SHISA9: variants seen among roughly 807,000 people sequenced by gnomAD.
SHISA9 encodes the protein shisa family member 9.
In SHISA9, 13 loss-of-function variants were observed where a neutral mutation model predicts 38.0. The ratio of observed to expected loss-of-function variants is 0.34; its 90% CI spans 0.22 to 0.54. The LOEUF (loss-of-function observed/expected upper bound fraction) is 0.54, where lower values mean the gene tolerates loss of function less well. Among genes scored for constraint, SHISA9 ranks in the 20% least tolerant of loss-of-function variants. The pLI, the probability that SHISA9 is intolerant of heterozygous loss-of-function variation, is 0.91. For missense variants in SHISA9, 538 were observed against 575.8 expected, an observed-to-expected ratio of 0.93 and a Z score of 0.67; for synonymous variants, 275 against 242.0, an observed-to-expected ratio of 1.14 and a Z score of -1.27.
At chr16:13,187,485 C>G (rs917963310) in intron 2 of SHISA9, among the ~76,000 whole-genome samples, 1 of 152,000 alleles carries the variant, frequency 6.6e-6, no homozygotes, top group East Asian at 1.9e-4. Context: ...CAGACGTGCA[C>G]CACCACACTG....
the SHISA9 span, among the ~76,000 whole-genome samples, chr16:13,545,614 G>T: frequency 2.6e-5 from 4 of 152,142 alleles, no homozygotes; most frequent in Non-Finnish European, 5.9e-5. Context: ...TTGTGAAATA[G>T]TTCCCTCTCT....
At chr16:12,935,322 C>T (rs1001016398) in intron 2 of SHISA9, among the ~76,000 whole-genome samples, 17 of 152,208 alleles carry the variant, frequency 1.1e-4, no homozygotes, top group African/African-American at 4.1e-4. Flanking sequence ...TGGTATCTGT[C>T]CAAGTCATTT....
intron 2 of SHISA9, among the ~76,000 whole-genome samples, chr16:13,073,496 G>A (rs1358740989): frequency 6.6e-6 from 1 of 152,094 alleles, no homozygotes; most frequent in Non-Finnish European, 1.5e-5. Flanking sequence ...CATCACCTGG[G>A]AATTTGTTAG....
intron 2 of SHISA9, among the ~76,000 whole-genome samples, chr16:12,940,002 T>C (rs1467914737): frequency 2.0e-5 from 3 of 152,232 alleles, no homozygotes; most frequent in African/African-American, 4.8e-5. Context: ...AAGTCATTAT[T>C]ATCCAACCAA....
At chr16:13,345,015 C>T in the SHISA9 span, among the ~76,000 whole-genome samples, 4 of 152,130 alleles carry the variant, frequency 2.6e-5, no homozygotes, top group Non-Finnish European at 5.9e-5. Flanking sequence ...GGGAGGCCAA[C>T]CCAGAGTAAT....
At position 13,174,229 on chromosome 16, in the gene SHISA9, T is replaced by C. The variant is rs150746208; in HGVS notation, c.692-29165T>C. 3.3e-5 allele frequency among the ~76,000 whole-genome samples: 5 copies of C among 152,344 alleles called. No homozygotes were observed. In the East Asian group the frequency reaches 9.6e-4, roughly 29 times the overall value. ...GGGTTTTAATTTTCATTATGGGGCC[T>C]TCTCATGCAACCATTTCCAGCCTCC... On this transcript the variant is annotated intron_variant, in intron 2 of 4. Coordinates refer to ENST00000558583, the MANE Select transcript of SHISA9 (RefSeq NM_001145204.3).
chr16:13,233,625 A>G (rs1280845821), intron 4 of SHISA9, among the ~76,000 whole-genome samples: 2 of 152,240 alleles, frequency 1.3e-5, no homozygotes, highest in Admixed American at 6.5e-5. Flanking sequence ...ATGAATGGGC[A>G]TGGTTTTGTG....
the SHISA9 span, among the ~76,000 whole-genome samples, chr16:13,270,891 A>ATAAGTCTCCCTT: frequency 1.5e-3 from 228 of 152,308 alleles, 2 homozygotes; most frequent in African/African-American, 5.4e-3. Flanking sequence ...GAATCATTTG[A>ATAAGTCTCCCTT]TAAGTCTCCC....
chr16:13,143,996 A>T (rs2050425148), intron 2 of SHISA9, among the ~76,000 whole-genome samples: 2 of 152,198 alleles, frequency 1.3e-5, no homozygotes, highest in South Asian at 4.1e-4. Context: ...AAATAAACTC[A>T]GTTGGTTAAA....
chr16:12,947,294 T>C (rs368311835), intron 2 of SHISA9, among the ~76,000 whole-genome samples: 3 of 152,330 alleles, frequency 2.0e-5, no homozygotes, highest in African/African-American at 7.2e-5. Context: ...CCAAGGACCA[T>C]GTGGCTATCT....
the SHISA9 span, among the ~76,000 whole-genome samples, chr16:13,386,105 A>G: frequency 6.6e-6 from 1 of 152,214 alleles, no homozygotes; most frequent in South Asian, 2.1e-4. Flanking sequence ...ATAAAAGTGC[A>G]TAGAGCTAAA....
At chr16:13,377,873 CAA>C in the SHISA9 span, among the ~76,000 whole-genome samples, 2 of 149,700 alleles carry the variant, frequency 1.3e-5, no homozygotes, top group African/African-American at 4.9e-5. Flanking sequence ...ACTAAAAATA[CAA>C]AAAAAAAATT....
chr16:13,443,270 T>C, the SHISA9 span, among the ~76,000 whole-genome samples: 1 of 152,230 alleles, frequency 6.6e-6, no homozygotes, highest in Admixed American at 6.5e-5. Flanking sequence ...GAAGAAATTC[T>C]AACTAATCTT....
chr16:13,443,390 TGAAA>T, the SHISA9 span, among the ~76,000 whole-genome samples: 93 of 152,356 alleles, frequency 6.1e-4, no homozygotes, highest in African/African-American at 2.2e-3. Flanking sequence ...GGCTTCTTAC[TGAAA>T]GACTTTGGGA....
intron 2 of SHISA9, among the ~76,000 whole-genome samples, chr16:13,019,800 CTT>C (rs1253884991): frequency 2.2e-5 from 3 of 139,066 alleles, no homozygotes; most frequent in African/African-American, 5.4e-5. Flanking sequence ...TTCTTTCTTT[CTT>C]TCTTTCTTTC....
chr16:13,529,132 C>T, the SHISA9 span, among the ~76,000 whole-genome samples: 1 of 152,120 alleles, frequency 6.6e-6, no homozygotes, highest in Admixed American at 6.5e-5. Context: ...AGTTTGGACA[C>T]AATTAACCAG....
chr16:13,326,448 C>A, the SHISA9 span, among the ~76,000 whole-genome samples: 1 of 152,234 alleles, frequency 6.6e-6, no homozygotes, highest in Non-Finnish European at 1.5e-5. Context: ...CCACCGGGTG[C>A]AGTGGCTCAT....
At chr16:13,297,990 A>G in the SHISA9 span, among the ~76,000 whole-genome samples, 10 of 152,312 alleles carry the variant, frequency 6.6e-5, no homozygotes, top group Admixed American at 1.3e-4. Flanking sequence ...TCCTGACCTC[A>G]GGTGATCCAC....
chr16:13,504,245 G>A, the SHISA9 span, among the ~76,000 whole-genome samples: 4 of 152,142 alleles, frequency 2.6e-5, no homozygotes, highest in African/African-American at 7.2e-5. Flanking sequence ...ATTGCAGTAA[G>A]ATCAACACGT....
Sources: allele counts gnomAD v4.1 joint callset (sites outside exome capture counted in the v4.1 genomes callset), GRCh38; gene constraint gnomAD v4.1.1; transcripts MANE v1.5; gene names NCBI Gene and HGNC (gene_info 2026-07-23, HGNC 2026-07-21).